The following PML variants were observed in gnomAD, a reference collection of about 807,000 sequenced individuals.
PML encodes the protein protein PML.
PML carries 28 observed loss-of-function variants against 65.2 expected under a neutral mutation model. The observed-to-expected ratio is 0.43, with a 90% CI of 0.32 to 0.59. PML has a LOEUF of 0.59. Ranked by LOEUF, PML falls within the 20% of genes least tolerant of loss-of-function variation. The probability of loss-of-function intolerance (pLI) is 0.08; values close to 1 mark genes in which losing one functional copy is unlikely to be tolerated. For missense variants in PML, 1,021 were observed against 1,203.4 expected (o/e 0.85, Z 2.24); for synonymous variants, 500 against 508.8 (o/e 0.98, Z 0.23).
rs1567141111 is a variant in PML at position 74,042,715 on chromosome 15, A to G, written c.1711-274A>G. The G allele has an allele frequency of 1.0e-6, 1 of 985,376 alleles. No homozygotes were observed. The highest frequency in any genetic ancestry group is 1.1e-4 in the East Asian group (1 of 8,794). 61.0% of individuals were successfully genotyped at this position (985,376 alleles called of 1,614,324 possible). On this transcript the variant is annotated intron_variant, in intron 7 of 8. Transcript: ENST00000268058. The surrounding 1 kb of genome is among the most constrained non-coding windows in gnomAD (Gnocchi z 5.3). ...ATTTAGCACTTGGATTCATTCCCACACATGCACGTTCACAACCTGTGTGTG... is the reference window on the plus strand; with the variant it reads ...ATTTAGCACTTGGATTCATTCCCACGCATGCACGTTCACAACCTGTGTGTG...
chr15:74,038,957 C>A (rs2071635248), intron 7 of PML, among the ~76,000 whole-genome samples: 1 of 152,224 alleles, frequency 6.6e-6, no homozygotes, highest in Non-Finnish European at 1.5e-5. Context: ...GGGGTGAGGA[C>A]TTTGCTTAAA....
chr15:74,040,851 GAAGGCAGCTCGAGT>G (rs2071680730), intron 7 of PML, among the ~76,000 whole-genome samples: 1 of 152,222 alleles, frequency 6.6e-6, no homozygotes, highest in Admixed American at 6.5e-5. Flanking sequence ...GTTTCTTAGA[GAAGGCAGCTCGAGT>G]AAGTTTAGGA....
At position 74,042,388 on chromosome 15, in the gene PML, G is replaced by T; in HGVS notation, c.1711-601G>T. On this transcript the variant is annotated intron_variant, in intron 7 of 8. Transcript: ENST00000268058. The surrounding 1 kb of genome is among the most constrained non-coding windows in gnomAD (Gnocchi z 5.3). ...CTTTGTGTAGGACACTGGCACCTCGGCTGACTTCGGGGACAAGAAAAGGCA... is the reference window on the plus strand; with the variant it reads ...CTTTGTGTAGGACACTGGCACCTCGTCTGACTTCGGGGACAAGAAAAGGCA... 1.0e-6 allele frequency: 1 copy of T among 985,416 alleles called. No homozygotes were observed. The highest frequency in any genetic ancestry group is 1.2e-6 in the Non-Finnish European group (1 of 829,926). 61.0% of individuals were successfully genotyped at this position (985,416 alleles called of 1,614,324 possible). A position where few individuals can be genotyped will look rare whatever the true frequency, so the allele number is the denominator to read the frequency against.
At position 73,999,199 on chromosome 15, in the gene PML, AAT is replaced by A. The variant is rs548013402; in HGVS notation, c.602+730_602+731del. 1.1e-4 allele frequency among the ~76,000 whole-genome samples: 16 copies of A among 152,310 alleles called. No homozygotes were observed. In the South Asian group the frequency reaches 3.3e-3, roughly 32 times the overall value. On this transcript the variant is annotated intron_variant, in intron 2 of 8. Coordinates refer to ENST00000268058, the MANE Select transcript of PML (RefSeq NM_033238.3). ...TGTTTCTTCTGAGAGTTTCTTTACG[AAT>A]ATATATGCAGGTAGGAGCAATCTTA...
At chr15:74,038,389 A>G (rs1343277789) in intron 7 of PML, among the ~76,000 whole-genome samples, 1 of 152,142 alleles carries the variant, frequency 6.6e-6, no homozygotes, top group African/African-American at 2.4e-5. Flanking sequence ...TCAGGTGATG[A>G]TGAATTAAAT....
chr15:74,035,960 C>T lies in PML; in HGVS notation c.1710+1430C>T, dbSNP rs1470202124. 1 of 1,613,986 alleles carries T rather than the reference C, an allele frequency of 6.2e-7. No homozygotes were observed. The highest frequency in any genetic ancestry group is 8.5e-7 in the Non-Finnish European group (1 of 1,180,046). ...GTCAAGCAGGCCTCTGAGAGTGCTA[C>T]CCTTCTCTTGTAACCTTGCAGCCAA... On this transcript the variant is annotated intron_variant, in intron 7 of 8. Coordinates refer to ENST00000268058, the MANE Select transcript of PML (RefSeq NM_033238.3). The surrounding 1 kb of genome is among the most constrained non-coding windows in gnomAD (Gnocchi z 4.1).
At chr15:74,019,511 G>A (rs1283713103) in intron 2 of PML, among the ~76,000 whole-genome samples, 2 of 152,184 alleles carry the variant, frequency 1.3e-5, no homozygotes, top group Non-Finnish European at 1.5e-5. Flanking sequence ...GGTATGCAGT[G>A]AATGTCTTAC....
In PML at chr15:74,044,474, G is replaced by A. The variant is rs950309592; in HGVS notation, c.2115G>A (p.Ser705=). 5.0e-6 allele frequency: 8 copies of A among 1,614,042 alleles called. No homozygotes were observed. The highest frequency in any genetic ancestry group is 4.2e-6 in the Non-Finnish European group (5 of 1,179,978). ...TGTGGGAATTCCAGGAGGCCATCTC[G>A]GGCTTCCTGGCTGCCCTGCCTCTCA... ...NRLWEFQEAI[S]GFLAALPLIR... Residue 705 remains serine (S), a synonymous_variant, in exon 9 of 9, where the codon TCG becomes TCA. Coordinates refer to ENST00000268058, the MANE Select transcript of PML (RefSeq NM_033238.3).
chr15:74,018,151 C>A (rs1383038002), intron 2 of PML, among the ~76,000 whole-genome samples: 1 of 151,566 alleles, frequency 6.6e-6, no homozygotes, highest in Non-Finnish European at 1.5e-5. Flanking sequence ...GAAACCCCAG[C>A]TCTACTAAAA....
In PML at chr15:74,023,293, C is replaced by T. The variant is rs774833451; in HGVS notation, c.1068C>T (p.Leu356=). The T allele has an allele frequency of 5.6e-6, 9 of 1,609,634 alleles. No individual in the cohort carries two copies. Among genetic ancestry groups the T allele is most frequent in the Non-Finnish European group, 6.8e-6 (8 of 1,179,602 alleles). ...LDMHGFLRQA[L]CRLRQEEPQS... ...TGCACGGTTTCCTGCGCCAGGCGCT[C>T]TGCCGCCTGCGCCAGGAGGAGCCCC... The change falls in exon 3 of 9, where the codon CTC becomes CTT. Residue 356 remains leucine (L), a synonymous_variant. Transcript: ENST00000268058.
In PML at chr15:74,035,419, G is replaced by A. The variant is rs1215966337; in HGVS notation, c.1710+889G>A. 1.1e-5 allele frequency: 17 copies of A among 1,611,934 alleles called. No individual in the cohort carries two copies. Among genetic ancestry groups the A allele is most frequent in the East Asian group, 2.2e-5 (1 of 44,854 alleles). ...CACCAGGAGCGCCCTGCCGTCCACC[G>A]TGGGATCCGCTACCTGTTGTACAGA... On this transcript the variant is annotated intron_variant, in intron 7 of 8. Transcript: ENST00000268058. The surrounding 1 kb of genome is among the most constrained non-coding windows in gnomAD (Gnocchi z 4.1).
rs189715432 is a variant in PML at position 74,014,684 on chromosome 15, C to A, written c.603-8144C>A. On this transcript the variant is annotated intron_variant, in intron 2 of 8. Transcript: ENST00000268058. ...GGCTGAGGCAGGAGAATCACTTGAACCTGGAAGGCAGAGGTTGCAGTGAGC... is the reference window on the plus strand; with the variant it reads ...GGCTGAGGCAGGAGAATCACTTGAAACTGGAAGGCAGAGGTTGCAGTGAGC... 3.0e-3 allele frequency among the ~76,000 whole-genome samples: 459 copies of A among 151,564 alleles called. 3 individuals carry two copies. Among genetic ancestry groups the A allele is most frequent in the African/African-American group, 9.2e-3 (379 of 41,372 alleles).
Position 74,035,842 on chromosome 15 carries a change from C to G in PML, c.1710+1312C>G. 2.5e-6 allele frequency: 4 copies of G among 1,613,910 alleles called. No individual in the cohort carries two copies. The highest frequency in any genetic ancestry group is 3.4e-6 in the Non-Finnish European group (4 of 1,179,986). ...TCTGTCAGAGGCTCCATGGAGGCCTCTCAAGTCCAAGTGCCTCTGGAAGCC... is the reference window on the plus strand; with the variant it reads ...TCTGTCAGAGGCTCCATGGAGGCCTGTCAAGTCCAAGTGCCTCTGGAAGCC... On this transcript the variant is annotated intron_variant, in intron 7 of 8. Coordinates refer to ENST00000268058, the MANE Select transcript of PML (RefSeq NM_033238.3). The surrounding 1 kb of genome is among the most constrained non-coding windows in gnomAD (Gnocchi z 4.1).
intron 2 of PML, among the ~76,000 whole-genome samples, chr15:74,003,874 T>C (rs1207523751): frequency 1.3e-5 from 2 of 152,222 alleles, no homozygotes; most frequent in Non-Finnish European, 2.9e-5. Flanking sequence ...CAGAGTTTAC[T>C]TTCTGAGACC....
rs1056443652 is a variant in PML, at chr15:73,994,717, G to A, written c.-96G>A. ...GAGCCGGCACCTCCCCTTTCGGACA[G>A]CTCAAGGGACTCAGCCAACTGGCTC... On this transcript the variant is annotated 5_prime_UTR_variant, in exon 1 of 9. Transcript: ENST00000268058. 1 of 1,354,760 alleles carries A rather than the reference G, an allele frequency of 7.4e-7. No individual in the cohort carries two copies. Among genetic ancestry groups the A allele is most frequent in the Non-Finnish European group, 1.0e-6 (1 of 970,108 alleles). The allele number at this position is 1,354,760 out of a possible 1,614,324, so 83.9% of individuals were successfully genotyped here.
chr15:74,045,066 G>T lies in PML; in HGVS notation c.*58G>T. On this transcript the variant is annotated 3_prime_UTR_variant, in exon 9 of 9. Transcript: ENST00000268058. ...GGGCAGAGAGGGATGGGGTCCCTGAGCCAGGCCCCACCCATCACAGCATTC... is the reference window on the plus strand; with the variant it reads ...GGGCAGAGAGGGATGGGGTCCCTGATCCAGGCCCCACCCATCACAGCATTC... The T allele has an allele frequency of 3.4e-6, 5 of 1,455,814 alleles. No individual in the cohort carries two copies. Among genetic ancestry groups the T allele is most frequent in the Middle Eastern group, 2.2e-4 (1 of 4,548 alleles). The allele number at this position is 1,455,814 out of a possible 1,614,324, so 90.2% of individuals were successfully genotyped here.
intron 2 of PML, among the ~76,000 whole-genome samples, chr15:74,001,321 T>C (rs553306783): frequency 4.3e-4 from 66 of 151,878 alleles, no homozygotes; most frequent in African/African-American, 1.6e-3. Flanking sequence ...ATTCATTTAT[T>C]TGCAATCTTT....
rs756641826 is a variant in PML, at chr15:74,035,412, G to A, written c.1710+882G>A. ...TCCTGATCACCAGGAGCGCCCTGCC[G>A]TCCACCGTGGGATCCGCTACCTGTT... On this transcript the variant is annotated intron_variant, in intron 7 of 8. Transcript: ENST00000268058. The surrounding 1 kb of genome is among the most constrained non-coding windows in gnomAD (Gnocchi z 4.1). 77 of 1,611,638 alleles carry A rather than the reference G, an allele frequency of 4.8e-5. No individual in the cohort carries two copies. Among genetic ancestry groups the A allele is most frequent in the Middle Eastern group, 3.3e-4 (2 of 6,084 alleles).
At chr15:74,020,662 G>A (rs1327268480) in intron 2 of PML, among the ~76,000 whole-genome samples, 1 of 152,124 alleles carries the variant, frequency 6.6e-6, no homozygotes, top group Non-Finnish European at 1.5e-5. Flanking sequence ...TTCTGTTATG[G>A]TTCTGGAGGT....
Sources: allele counts gnomAD v4.1 joint callset (sites outside exome capture counted in the v4.1 genomes callset), GRCh38; gene constraint gnomAD v4.1.1; non-coding constraint Gnocchi (gnomAD v3.1); transcripts MANE v1.5; gene names NCBI Gene and HGNC (gene_info 2026-07-23, HGNC 2026-07-21).